Variants in SMARCC2 observed in about 807,000 individuals in gnomAD.
SMARCC2 encodes the protein SWI/SNF related BAF chromatin remodeling complex subunit C2, also known as SWI/SNF complex subunit SMARCC2.
In SMARCC2, 15 loss-of-function variants were observed where a neutral mutation model predicts 151.3. That is an observed-to-expected ratio of 0.10 (90% confidence interval 0.07 to 0.15). The LOEUF (loss-of-function observed/expected upper bound fraction) is 0.15, where lower values mean the gene tolerates loss of function less well. Among genes scored for constraint, SMARCC2 ranks in the 10% least tolerant of loss-of-function variants. SMARCC2 has a pLI of 1.00. For missense variants in SMARCC2, 1,031 were observed against 1,599.7 expected (o/e 0.64, Z 6.06); for synonymous variants, 590 against 609.5 (o/e 0.97, Z 0.47).
At chr12:56,189,099 C>G (rs1286189010) in intron 1 of SMARCC2, among the ~76,000 whole-genome samples, 8 of 135,582 alleles carry the variant, frequency 5.9e-5, no homozygotes, top group African/African-American at 1.9e-4. Flanking sequence ...CGGGGCCCGC[C>G]GGGCAGTAGA....
intron 10 of SMARCC2, 160 bp from the exon 11 acceptor site, chr12:56,181,261 T>C: frequency 1.4e-6 from 1 of 714,692 alleles, no homozygotes; most frequent in Non-Finnish European, 2.3e-6. Context: ...GGCAAAGGCT[T>C]TTCACTTGAT....
chr12:56,171,585 C>G lies in SMARCC2; in HGVS notation c.2185+94G>C. The G allele has an allele frequency of 6.7e-7, 1 of 1,490,244 alleles. No individual in the cohort carries two copies. The highest frequency in any genetic ancestry group is 9.0e-7 in the Non-Finnish European group (1 of 1,106,104). 92.3% of individuals were successfully genotyped at this position (1,490,244 alleles called of 1,614,324 possible). A position where few individuals can be genotyped will look rare whatever the true frequency, so the allele number is the denominator to read the frequency against. ...CTGAGGCCCGCACAGACAAGGCCAG[C>G]AGGGCAGCCAAACTTGAGAGGATTC... On this transcript the variant is annotated intron_variant, in intron 21 of 28. Coordinates refer to ENST00000550164, the MANE Select transcript of SMARCC2 (RefSeq NM_001330288.2). The surrounding 1 kb of genome is among the most constrained non-coding windows in gnomAD (Gnocchi z 4.2).
chr12:56,172,919 G>T lies in SMARCC2; in HGVS notation c.1743+18C>A. On this transcript the variant is annotated intron_variant, in intron 18 of 28. Transcript: ENST00000550164. ...AAGGGGAAAATGAGCAGCCCAGCAG[G>T]GTCTGCACCCCACCTACCAGCTCTG... is the stretch of plus-strand genomic sequence containing the variant. 1 of 1,610,714 alleles carries T rather than the reference G, an allele frequency of 6.2e-7. No homozygotes were observed. Among genetic ancestry groups the T allele is most frequent in the Non-Finnish European group, 8.5e-7 (1 of 1,178,894 alleles).
Position 56,162,487 on chromosome 12 carries a change from G to C in SMARCC2, c.*1202C>G, listed in dbSNP as rs1872010107. 1 of 573,130 alleles carries C rather than the reference G, an allele frequency of 1.7e-6. No homozygotes were observed. Among genetic ancestry groups the C allele is most frequent in the East Asian group, 2.9e-5 (1 of 35,012 alleles). The allele number at this position is 573,130 out of a possible 1,614,324, so 35.5% of individuals were successfully genotyped here. On this transcript the variant is annotated 3_prime_UTR_variant, in exon 29 of 29. Coordinates refer to ENST00000550164, the MANE Select transcript of SMARCC2 (RefSeq NM_001330288.2). ...GAGGGAGAGAAACATGGGGACATGA[G>C]GAACAAAGGGCCTGGTGGGAGGAAC... is the stretch of plus-strand genomic sequence containing the variant.
At chr12:56,164,231 C>CA (rs1872337842) in intron 28 of SMARCC2, 72 bp downstream of exon 28, 1 of 1,410,096 alleles carries the variant, frequency 7.1e-7, no homozygotes, top group Admixed American at 2.1e-5. Flanking sequence ...ACCTCTTCCC[C>CA]ACCTGCCCGC....
intron 1 of SMARCC2, among the ~76,000 whole-genome samples, chr12:56,188,364 G>A (rs1398516486): frequency 6.6e-6 from 1 of 152,176 alleles, no homozygotes; most frequent in Non-Finnish European, 1.5e-5. Flanking sequence ...TCAGTAGGAA[G>A]TTCTCCTAAG....
At position 56,169,513 on chromosome 12, in the gene SMARCC2, C is replaced by T; in HGVS notation, c.2715+16G>A. ...TGGACATTTTCTTCCCTGAGGTCTTCAAGGTCTGGCCTCACCTTAGCTTTC... is the reference window on the plus strand; with the variant it reads ...TGGACATTTTCTTCCCTGAGGTCTTTAAGGTCTGGCCTCACCTTAGCTTTC... On this transcript the variant is annotated intron_variant, in intron 25 of 28. Coordinates refer to ENST00000550164, the MANE Select transcript of SMARCC2 (RefSeq NM_001330288.2). The T allele has an allele frequency of 6.2e-7, 1 of 1,612,414 alleles. No individual in the cohort carries two copies. The highest frequency in any genetic ancestry group is 1.7e-4 in the Middle Eastern group (1 of 6,052).
rs771617901 is a variant in SMARCC2 at position 56,181,844 on chromosome 12, C to T, written c.709-9G>A. The T allele has an allele frequency of 6.2e-7, 1 of 1,614,106 alleles. No homozygotes were observed. Among genetic ancestry groups the T allele is most frequent in the South Asian group, 1.1e-5 (1 of 91,088 alleles). ...ATCCACTTTGCATGAACCTAAAGTA[C>T]AAAGGCAGATCATGCTGCAGAGAAG... On this transcript the variant is annotated splice_polypyrimidine_tract_variant and intron_variant, in intron 8 of 28. Transcript: ENST00000550164.
At position 56,184,856 on chromosome 12, in the gene SMARCC2, G is replaced by T; in HGVS notation, c.480C>A (p.Ile160=). 6.2e-7 allele frequency: 1 copy of T among 1,604,772 alleles called. No homozygotes were observed. The highest frequency in any genetic ancestry group is 8.5e-7 in the Non-Finnish European group (1 of 1,171,548). ...CCAGACCATTTACCTGGTGTCTCTT[G>T]ATAATGTCCTTTAATTTCCCTAGTA... is the stretch of plus-strand genomic sequence containing the variant. ...PKLLGKLKDI[I]KRHQGTVTED... is the part of the protein sequence containing the mutation. The change falls in exon 5 of 29, where the codon ATC becomes ATA. Residue 160 remains isoleucine, a synonymous_variant. Coordinates refer to ENST00000550164, the MANE Select transcript of SMARCC2 (RefSeq NM_001330288.2).
At position 56,176,812 on chromosome 12, in the gene SMARCC2, TTTTG is replaced by T. The variant is rs1022180628; in HGVS notation, c.1382+1206_1382+1209del. 1.9e-4 allele frequency among the ~76,000 whole-genome samples: 27 copies of T among 141,582 alleles called. No individual in the cohort carries two copies. The East Asian group carries it at 3.6e-3, about 19-fold the overall frequency. The allele number at this position is 141,582 out of a possible 152,430, so 92.9% of individuals were successfully genotyped here. ...CATGCCACCACGCCCGGCTAATTTT[TTTTG>T]TTTTTGTTTTTTTGTTTTTTTTGAG... On this transcript the variant is annotated intron_variant, in intron 15 of 28. Coordinates refer to ENST00000550164, the MANE Select transcript of SMARCC2 (RefSeq NM_001330288.2).
chr12:56,174,836 G>A (rs1565906896), intron 15 of SMARCC2, 72 bp from the exon 16 acceptor site: 3 of 977,710 alleles, frequency 3.1e-6, no homozygotes, highest in Middle Eastern at 2.1e-4. Context: ...GGAAAAAATG[G>A]TAAGAGAGCT....
At chr12:56,166,254 G>A (rs1374491831) in intron 26 of SMARCC2, among the ~76,000 whole-genome samples, 1 of 151,912 alleles carries the variant, frequency 6.6e-6, no homozygotes, top group African/African-American at 2.4e-5. Context: ...CAATTCTCCT[G>A]CCTCAGCCTC....
At chr12:56,181,935 T>G in intron 8 of SMARCC2, 69 bp downstream of exon 8, 1 of 1,588,620 alleles carries the variant, frequency 6.3e-7, no homozygotes, top group Non-Finnish European at 8.6e-7. Flanking sequence ...CAAGCCTCTG[T>G]TTCACTTCCA....
intron 6 of SMARCC2, 79 bp downstream of exon 6, chr12:56,184,096 G>T: frequency 8.8e-7 from 1 of 1,140,582 alleles, no homozygotes. Flanking sequence ...GAGGAGCCCA[G>T]GTACTGAATG....
intron 3 of SMARCC2, chr12:56,185,778 A>G (rs144156538): frequency 2.7e-3 from 563 of 210,808 alleles, no homozygotes; most frequent in African/African-American, 0.013. Flanking sequence ...GCGCCCAGCC[A>G]TGACTTCTTA....
At chr12:56,173,921 G>A (rs1441093744) in intron 16 of SMARCC2, 72 bp from the exon 17 acceptor site, 26 of 1,424,672 alleles carry the variant, frequency 1.8e-5, no homozygotes, top group Non-Finnish European at 2.5e-5. Context: ...GAAAAGTGGG[G>A]GGTAGAAGGG....
At chr12:56,187,126 T>C in intron 2 of SMARCC2, 61 bp downstream of exon 2, 1 of 1,509,102 alleles carries the variant, frequency 6.6e-7, no homozygotes. Context: ...AAAATACAAC[T>C]CTTCAGTTTG....
intron 26 of SMARCC2, among the ~76,000 whole-genome samples, chr12:56,166,525 AT>A (rs1223156321): frequency 6.6e-6 from 1 of 150,892 alleles, no homozygotes; most frequent in Admixed American, 6.6e-5. Flanking sequence ...TCCATATTGT[AT>A]ATTCATTTGA....
chr12:56,187,380 C>A (rs1877462833), intron 1 of SMARCC2, 74 bp from the exon 2 acceptor site: 1 of 1,434,408 alleles, frequency 7.0e-7, no homozygotes, highest in Non-Finnish European at 9.7e-7. Context: ...ATTTCTCCCC[C>A]AGGGGCTCTG....
Sources: allele counts gnomAD v4.1 joint callset (sites outside exome capture counted in the v4.1 genomes callset), GRCh38; gene constraint gnomAD v4.1.1; non-coding constraint Gnocchi (gnomAD v3.1); transcripts MANE v1.5; gene names NCBI Gene and HGNC (gene_info 2026-07-23, HGNC 2026-07-21).